GTF2IRD1: variants seen among roughly 807,000 people sequenced by gnomAD.
GTF2IRD1 encodes general transcription factor II-I repeat domain-containing protein 1.
GTF2IRD1 carries 26 observed loss-of-function variants against 113.2 expected under a neutral mutation model. The observed-to-expected ratio is 0.23, with a 90% CI of 0.17 to 0.32. The LOEUF (loss-of-function observed/expected upper bound fraction) is 0.32. GTF2IRD1 is among the 10% of genes least tolerant of loss of function. The probability of loss-of-function intolerance (pLI) is 1.00; values close to 1 mark genes in which losing one functional copy is unlikely to be tolerated. For missense variants in GTF2IRD1, 864 were observed against 1,280.8 expected, an observed-to-expected ratio of 0.67 and a Z score of 4.97; for synonymous variants, 484 against 529.1, an observed-to-expected ratio of 0.91 and a Z score of 1.17.
chr7:74,504,447 G>T (rs1005199561), intron 1 of GTF2IRD1, among the ~76,000 whole-genome samples: 1 of 152,180 alleles, frequency 6.6e-6, no homozygotes, highest in Non-Finnish European at 1.5e-5. Flanking sequence ...GGAATGTCGA[G>T]TTGGGCCCAG....
At chr7:74,561,745 A>C (rs1317194675) in intron 22 of GTF2IRD1, among the ~76,000 whole-genome samples, 2 of 152,078 alleles carry the variant, frequency 1.3e-5, no homozygotes, top group Non-Finnish European at 2.9e-5. Flanking sequence ...GGTGCCTTTC[A>C]CACATATTTT....
chr7:74,458,029 C>T (rs1226918670), intron 1 of GTF2IRD1, among the ~76,000 whole-genome samples: 2 of 151,978 alleles, frequency 1.3e-5, no homozygotes, highest in African/African-American at 4.8e-5. Context: ...CTCTACCACG[C>T]CCGGCTAATT....
chr7:74,499,952 G>A (rs1313339811), intron 1 of GTF2IRD1, among the ~76,000 whole-genome samples: 3 of 152,186 alleles, frequency 2.0e-5, no homozygotes, highest in Non-Finnish European at 4.4e-5. Flanking sequence ...ACACACAAAG[G>A]AATGAATGTA....
intron 22 of GTF2IRD1, among the ~76,000 whole-genome samples, chr7:74,579,041 G>A (rs1313445372): frequency 7.9e-5 from 12 of 151,958 alleles, no homozygotes; most frequent in African/African-American, 2.9e-4. Flanking sequence ...AAAGTTTAAG[G>A]CCCAGCCTGG....
chr7:74,469,394 C>A (rs1234355193), intron 1 of GTF2IRD1, among the ~76,000 whole-genome samples: 1 of 151,756 alleles, frequency 6.6e-6, no homozygotes, highest in African/African-American at 2.4e-5. Flanking sequence ...GCATTTTTAT[C>A]ATCCTAAGAA....
intron 22 of GTF2IRD1, among the ~76,000 whole-genome samples, chr7:74,578,612 T>C (rs1446467195): frequency 5.9e-5 from 9 of 152,244 alleles, no homozygotes; most frequent in African/African-American, 1.2e-4. Context: ...TAATCTTCCA[T>C]TGAGTGGAAT....
chr7:74,580,476 C>T (rs1379363641), intron 22 of GTF2IRD1, among the ~76,000 whole-genome samples: 3 of 151,988 alleles, frequency 2.0e-5, no homozygotes, highest in Non-Finnish European at 1.5e-5. Context: ...CACTTTGCCC[C>T]GAGAGAGAGC....
At chr7:74,528,059 A>G (rs1797709082) in intron 8 of GTF2IRD1, among the ~76,000 whole-genome samples, 1 of 152,156 alleles carries the variant, frequency 6.6e-6, no homozygotes, top group Non-Finnish European at 1.5e-5. Flanking sequence ...TCCCTGGAAG[A>G]AGGCACACAC....
At chr7:74,462,316 C>T (rs1269774312) in intron 1 of GTF2IRD1, among the ~76,000 whole-genome samples, 2 of 152,180 alleles carry the variant, frequency 1.3e-5, no homozygotes, top group African/African-American at 4.8e-5. Context: ...AATCCTGTAA[C>T]CCCTAAAAGT....
chr7:74,571,810 A>C (rs1406905336), intron 22 of GTF2IRD1, among the ~76,000 whole-genome samples: 1 of 152,026 alleles, frequency 6.6e-6, no homozygotes, highest in Non-Finnish European at 1.5e-5. Context: ...GTAGTGGGCT[A>C]TGATTTTGTC....
intron 22 of GTF2IRD1, among the ~76,000 whole-genome samples, chr7:74,560,670 C>T (rs1554358790): frequency 6.6e-6 from 1 of 151,764 alleles, no homozygotes; most frequent in Non-Finnish European, 1.5e-5. Flanking sequence ...CTGCAAACTC[C>T]ACCTCCCAGG....
chr7:74,601,040 C>T lies in GTF2IRD1; in HGVS notation c.2630-4C>T. ...GTGTCAACAGCCTTTTCCCCTCCTTCCAGCCAAAGACAGCAGCATTCCCAA... is the reference window on the plus strand; with the variant it reads ...GTGTCAACAGCCTTTTCCCCTCCTTTCAGCCAAAGACAGCAGCATTCCCAA... On this transcript the variant is annotated splice_region_variant and splice_polypyrimidine_tract_variant and intron_variant, in intron 25 of 26. Coordinates refer to ENST00000424337, the MANE Select transcript of GTF2IRD1 (RefSeq NM_005685.4). The T allele has an allele frequency of 7.4e-6, 12 of 1,614,130 alleles. No homozygotes were observed. The highest frequency in any genetic ancestry group is 1.0e-5 in the Non-Finnish European group (12 of 1,179,990).
At chr7:74,567,154 C>T (rs1451697054) in intron 22 of GTF2IRD1, among the ~76,000 whole-genome samples, 3 of 151,914 alleles carry the variant, frequency 2.0e-5, no homozygotes, top group African/African-American at 4.8e-5. Flanking sequence ...ATGGTGAAAC[C>T]CCGTCTCTAC....
rs118176121 is a variant in GTF2IRD1, at chr7:74,554,440, C to A, written c.1917-734C>A. Among the ~76,000 whole-genome samples, 841 of 152,270 alleles carry A rather than the reference C, an allele frequency of 5.5e-3. 4 individuals carry two copies. Among genetic ancestry groups the A allele is most frequent in the Non-Finnish European group, 9.2e-3 (629 of 68,028 alleles). On this transcript the variant is annotated intron_variant, in intron 17 of 26. Coordinates refer to ENST00000424337, the MANE Select transcript of GTF2IRD1 (RefSeq NM_005685.4). Reference sequence around the variant, plus strand: ...AGCTGGGCTTGGTCACTGGTGCTTCCGACTGCAGTAACACAGCAGCTCTCA... The same window carrying A: ...AGCTGGGCTTGGTCACTGGTGCTTCAGACTGCAGTAACACAGCAGCTCTCA...
At chr7:74,492,591 A>G (rs577342703) in intron 1 of GTF2IRD1, among the ~76,000 whole-genome samples, 1 of 152,244 alleles carries the variant, frequency 6.6e-6, no homozygotes, top group South Asian at 2.1e-4. Flanking sequence ...CTTTTTTCAT[A>G]AGATTGTTGG....
chr7:74,584,856 C>T (rs1397276027), intron 22 of GTF2IRD1, among the ~76,000 whole-genome samples: 5 of 152,094 alleles, frequency 3.3e-5, no homozygotes, highest in Non-Finnish European at 7.3e-5. Flanking sequence ...GGCTGGAGTA[C>T]GATGGCGCGA....
At chr7:74,480,578 T>C (rs1386697170) in intron 1 of GTF2IRD1, among the ~76,000 whole-genome samples, 1 of 152,204 alleles carries the variant, frequency 6.6e-6, no homozygotes. Context: ...TTTCTCATCC[T>C]GGTCACGCAG....
intron 16 of GTF2IRD1, 152 bp from the exon 17 acceptor site, chr7:74,546,951 C>T (rs1351238748): frequency 4.3e-6 from 3 of 697,150 alleles, no homozygotes; most frequent in Non-Finnish European, 7.4e-6. Context: ...TTCCTGCAGG[C>T]TGGGGGGCCA....
chr7:74,457,790 C>T (rs1321913571), intron 1 of GTF2IRD1, among the ~76,000 whole-genome samples: 1 of 152,076 alleles, frequency 6.6e-6, no homozygotes, highest in Non-Finnish European at 1.5e-5. Flanking sequence ...CAGGGGACAC[C>T]CATGGAAGAA....
Sources: gnomAD v4.1 joint callset for allele counts (sites outside exome capture counted in the v4.1 genomes callset) on GRCh38, gnomAD v4.1.1 for gene constraint, MANE v1.5 for transcripts, NCBI Gene and HGNC (gene_info 2026-07-23, HGNC 2026-07-21) for gene names.